Variants in TTC33 observed in about 807,000 individuals in gnomAD.
TTC33 encodes tetratricopeptide repeat protein 33.
A neutral mutation model predicts 29.4 loss-of-function variants in TTC33; 24 were observed. The observed-to-expected ratio is 0.82, with a 90% CI of 0.59 to 1.15. The LOEUF (loss-of-function observed/expected upper bound fraction) is 1.15. Among genes scored for constraint, TTC33 ranks in the 50% most tolerant of loss-of-function variants. The pLI is 0.00. For missense variants in TTC33, 286 were observed against 310.4 expected, an observed-to-expected ratio of 0.92 and a Z score of 0.59; for synonymous variants, 107 against 100.3, an observed-to-expected ratio of 1.07 and a Z score of -0.40.
intron 4 of TTC33, among the ~76,000 whole-genome samples, chr5:40,723,770 C>T (rs1742213485): frequency 6.6e-6 from 1 of 152,036 alleles, no homozygotes; most frequent in Non-Finnish European, 1.5e-5. Flanking sequence ...GAGGCTGAGG[C>T]AGGAGAATCA....
rs1741988798 is a variant in TTC33, at chr5:40,716,042, A to G, written c.*103T>C. On this transcript the variant is annotated 3_prime_UTR_variant, in exon 5 of 5. Transcript: ENST00000337702. ...ATGCCTCATCTGAAAAACATATTTT[A>G]CAACCAGGCGTTCTCCTATCTATCT... The G allele has an allele frequency of 6.3e-6, 6 of 953,920 alleles. No homozygotes were observed. In the South Asian group the frequency reaches 1.2e-4, roughly 19 times the overall value. 59.1% of individuals were successfully genotyped at this position (953,920 alleles called of 1,614,324 possible).
intron 1 of TTC33, among the ~76,000 whole-genome samples, chr5:40,748,163 A>T (rs566411092): frequency 1.3e-4 from 20 of 151,918 alleles, no homozygotes; most frequent in African/African-American, 4.6e-4. Context: ...GAATGGGAAC[A>T]CCGATTTGAT....
chr5:40,747,151 C>A (rs1002054332), intron 1 of TTC33, 132 bp from the exon 2 acceptor site: 1 of 728,976 alleles, frequency 1.4e-6, no homozygotes. Context: ...CTCCGCCTCC[C>A]GGGTTAAGTG....
intron 1 of TTC33, among the ~76,000 whole-genome samples, chr5:40,751,774 T>C (rs770325345): frequency 6.6e-6 from 1 of 152,046 alleles, no homozygotes; most frequent in Non-Finnish European, 1.5e-5. Flanking sequence ...CTGGCCAACA[T>C]GGTGAAGCCC....
rs539613836 is a variant in TTC33 at position 40,716,031 on chromosome 5, A to T, written c.*114T>A. The T allele has an allele frequency of 1.1e-6, 1 of 873,422 alleles. No individual in the cohort carries two copies. The highest frequency in any genetic ancestry group is 1.7e-5 in the African/African-American group (1 of 58,922). The allele number at this position is 873,422 out of a possible 1,614,324, so 54.1% of individuals were successfully genotyped here. A position where few individuals can be genotyped will look rare whatever the true frequency, so the allele number is the denominator to read the frequency against. ...TTAGTTTTTATATGCCTCATCTGAAAAACATATTTTACAACCAGGCGTTCT... is the reference window on the plus strand; with the variant it reads ...TTAGTTTTTATATGCCTCATCTGAATAACATATTTTACAACCAGGCGTTCT... On this transcript the variant is annotated 3_prime_UTR_variant, in exon 5 of 5. Transcript: ENST00000337702.
At chr5:40,719,835 T>G (rs948459986) in intron 4 of TTC33, among the ~76,000 whole-genome samples, 6 of 152,262 alleles carry the variant, frequency 3.9e-5, no homozygotes, top group Non-Finnish European at 7.3e-5. Flanking sequence ...TGTGTGTATC[T>G]TCTTTGGAAA....
intron 1 of TTC33, among the ~76,000 whole-genome samples, chr5:40,751,698 C>A (rs913779379): frequency 1.3e-5 from 2 of 152,184 alleles, no homozygotes; most frequent in South Asian, 4.1e-4. Flanking sequence ...GTGGCTCACA[C>A]CTGTAATCTC....
chr5:40,721,033 C>T (rs1376144107), intron 4 of TTC33, among the ~76,000 whole-genome samples: 1 of 152,158 alleles, frequency 6.6e-6, no homozygotes, highest in Non-Finnish European at 1.5e-5. Context: ...CCTATCTGTT[C>T]CCCCAGCTTG....
chr5:40,753,140 G>A (rs1442264144), intron 1 of TTC33, among the ~76,000 whole-genome samples: 1 of 152,042 alleles, frequency 6.6e-6, no homozygotes, highest in South Asian at 2.1e-4. Context: ...AGAGGCAGGC[G>A]GATCACCTGA....
intron 2 of TTC33, 151 bp from the exon 3 acceptor site, chr5:40,730,494 T>C (rs1488871304): frequency 1.4e-5 from 8 of 564,762 alleles, no homozygotes; most frequent in South Asian, 5.2e-5. Flanking sequence ...TAAGTACATA[T>C]AGTTCATTCA....
intron 4 of TTC33, among the ~76,000 whole-genome samples, chr5:40,728,081 AG>A (rs1742332369): frequency 6.6e-6 from 1 of 152,036 alleles, no homozygotes; most frequent in East Asian, 1.9e-4. Flanking sequence ...CAAAAGTTAA[AG>A]ACCAGCCTGA....
chr5:40,750,151 A>C (rs1030999171), intron 1 of TTC33, among the ~76,000 whole-genome samples: 1 of 151,976 alleles, frequency 6.6e-6, no homozygotes, highest in African/African-American at 2.4e-5. Flanking sequence ...AACGCCAATG[A>C]TCATCTGAAC....
intron 1 of TTC33, among the ~76,000 whole-genome samples, chr5:40,748,766 C>T (rs1393526211): frequency 6.6e-6 from 1 of 152,040 alleles, no homozygotes; most frequent in African/African-American, 2.4e-5. Context: ...TTAAAATTTT[C>T]CATAATAAAA....
intron 4 of TTC33, 110 bp downstream of exon 4, chr5:40,728,235 G>C: frequency 1.2e-6 from 1 of 869,118 alleles, no homozygotes. Flanking sequence ...CGTGAGCTGA[G>C]ATTGCACCAC....
At chr5:40,745,480 T>A (rs942812415) in intron 2 of TTC33, among the ~76,000 whole-genome samples, 2 of 151,948 alleles carry the variant, frequency 1.3e-5, no homozygotes, top group Non-Finnish European at 2.9e-5. Context: ...AAAGCAAATA[T>A]TAAGAATTGT....
At position 40,746,967 on chromosome 5, in the gene TTC33, T is replaced by A. The variant is rs1406015187; in HGVS notation, c.52A>T (p.Thr18Ser). 2.5e-6 allele frequency: 4 copies of A among 1,614,054 alleles called. No individual in the cohort carries two copies. The highest frequency in any genetic ancestry group is 3.4e-6 in the Non-Finnish European group (4 of 1,180,040). ...RKIGEKVSKVTSQQFEAEAAD... is the reference protein window; with the variant it reads ...RKIGEKVSKVSSQQFEAEAAD... ...GCTTCAGCTTCAAACTGCTGGGAAG[T>A]GACCTTTGAGACCTTCTCACCAATT... Residue 18 changes from threonine (T) to serine (S), a missense_variant, in exon 2 of 5, where the codon ACT (threonine) becomes TCT (serine). Physicochemically the swap from Thr to Ser is moderately conservative, Grantham distance 58. Coordinates refer to ENST00000337702, the MANE Select transcript of TTC33 (RefSeq NM_012382.3).
At chr5:40,716,646 G>A (rs1004760112) in intron 4 of TTC33, 148 bp from the exon 5 acceptor site, 28 of 591,948 alleles carry the variant, frequency 4.7e-5, no homozygotes, top group Admixed American at 2.0e-4. Flanking sequence ...TGGAAGCTAC[G>A]GTGTTGCCCT....
chr5:40,739,632 T>C (rs767671431), intron 2 of TTC33, among the ~76,000 whole-genome samples: 1 of 152,228 alleles, frequency 6.6e-6, no homozygotes. Context: ...CTTTGCCTTC[T>C]GCTATGATTA....
intron 2 of TTC33, among the ~76,000 whole-genome samples, chr5:40,746,469 T>G (rs994123893): frequency 6.6e-6 from 1 of 152,198 alleles, no homozygotes; most frequent in African/African-American, 2.4e-5. Flanking sequence ...AAGTTTCCAG[T>G]GATAAGACCA....
Sources: allele counts gnomAD v4.1 joint callset (sites outside exome capture counted in the v4.1 genomes callset), GRCh38; gene constraint gnomAD v4.1.1; transcripts MANE v1.5; gene names NCBI Gene and HGNC (gene_info 2026-07-23, HGNC 2026-07-21).